TRPM2: variants seen among roughly 807,000 people sequenced by gnomAD.
The protein encoded by TRPM2 is estrogen-responsive element-associated gene 1 protein.
A neutral mutation model predicts 174.0 loss-of-function variants in TRPM2; 161 were observed. That is an observed-to-expected ratio of 0.93 (90% CI 0.81 to 1.05). The LOEUF is 1.05. Among genes scored for constraint, TRPM2 ranks in the 50% least tolerant of loss-of-function variants. TRPM2 has a pLI of 0.00. For synonymous variants in TRPM2, 954 were observed against 861.3 expected, an observed-to-expected ratio of 1.11 and a Z score of -1.88; for missense variants, 2,057 against 2,038.0, an observed-to-expected ratio of 1.01 and a Z score of -0.18.
intron 16 of TRPM2, 80 bp from the exon 17 acceptor site, chr21:44,405,062 T>A: frequency 2.5e-6 from 4 of 1,583,902 alleles, no homozygotes; most frequent in Non-Finnish European, 3.5e-6. Context: ...ATGATGATAG[T>A]GGATAGTGAT....
Position 44,427,124 on chromosome 21 carries a change from C to G in TRPM2, c.3974+13C>G, listed in dbSNP as rs539190091. 4 of 1,564,416 alleles carry G rather than the reference C, an allele frequency of 2.6e-6. No individual in the cohort carries two copies. The Admixed American group carries it at 5.7e-5, about 22-fold the overall frequency. On this transcript the variant is annotated intron_variant, in intron 27 of 31. Coordinates refer to ENST00000397928, the MANE Select transcript of TRPM2 (RefSeq NM_003307.4). The stretch of plus-strand genomic sequence containing the variant: ...CCGGGTTGCCCCTGTGAGTGTGCCC[C>G]CTGCGGGCCCCGCCCCGTCAGCCTT...
rs541950858 is a variant in TRPM2 at position 44,427,102 on chromosome 21, G to T, written c.3965G>T (p.Gly1322Val). The T allele has an allele frequency of 7.5e-6, 12 of 1,591,842 alleles. No homozygotes were observed. The East Asian group carries it at 2.7e-4, about 36-fold the overall frequency. Reference protein sequence around the residue: ...SFHGPYTVQAGLPLNPMGRTG... With the variant: ...SFHGPYTVQAVLPLNPMGRTG... Reference sequence around the variant, plus strand: ...CACGGGCCGTACACAGTGCAGGCCGGGTTGCCCCTGTGAGTGTGCCCCCTG... The same window carrying T: ...CACGGGCCGTACACAGTGCAGGCCGTGTTGCCCCTGTGAGTGTGCCCCCTG... Residue 1322 changes from glycine (G) to valine (V), a missense_variant, in exon 27 of 32, where the codon GGG becomes GTG. By Grantham distance (109) the Gly-to-Val change is moderately radical. Transcript: ENST00000397928.
At position 44,418,005 on chromosome 21, in the gene TRPM2, C is replaced by T. The variant is rs374801617; in HGVS notation, c.3225C>T (p.His1075=). The change falls in exon 21 of 32, where the codon CAC becomes CAT. Residue 1075 remains histidine, a synonymous_variant. Transcript: ENST00000397928. The stretch of plus-strand genomic sequence containing the variant: ...GCCATGACCTGATCGAGGAGTACCA[C>T]GGCCGCCCCGCCGCGCCGCCCCCCT... ...FQRHDLIEEY[H]GRPAAPPPFI... 96 of 1,612,926 alleles carry T rather than the reference C, an allele frequency of 6.0e-5. 2 individuals carry two copies. In the South Asian group the frequency reaches 6.9e-4, roughly 12 times the overall value.
chr21:44,418,346 C>A lies in TRPM2; in HGVS notation c.3329-77C>A, dbSNP rs978805057. ...CAGGACTGGCCCCCTCCCACGGGGC[C>A]CCCCCGGTGGGTCAGGGCTTCAGGG... On this transcript the variant is annotated intron_variant, in intron 21 of 31. Coordinates refer to ENST00000397928, the MANE Select transcript of TRPM2 (RefSeq NM_003307.4). 23 of 1,569,672 alleles carry A rather than the reference C, an allele frequency of 1.5e-5. No individual in the cohort carries two copies. In the African/African-American group the frequency reaches 2.3e-4, roughly 16 times the overall value.
intron 2 of TRPM2, among the ~76,000 whole-genome samples, chr21:44,361,352 A>T (rs947221750): frequency 5.3e-5 from 8 of 151,966 alleles, no homozygotes; most frequent in African/African-American, 1.7e-4. Flanking sequence ...ACCTCAAATG[A>T]TCCACTCGCC....
intron 11 of TRPM2, among the ~76,000 whole-genome samples, chr21:44,395,074 A>T (rs1288577812): frequency 6.6e-6 from 1 of 152,178 alleles, no homozygotes; most frequent in Admixed American, 6.5e-5. Context: ...AACATACTCC[A>T]CTGTGCTAGA....
At chr21:44,352,157 G>C (rs2122999684), upstream of TRPM2, among the ~76,000 whole-genome samples, 1,017 of 152,344 alleles carry the variant, frequency 6.7e-3, 8 homozygotes, top group African/African-American at 0.023. Flanking sequence ...GAAGCTGGTT[G>C]TGAAGCCGGG....
intron 20 of TRPM2, 35 bp from the exon 21 acceptor site, chr21:44,417,892 C>G (rs1445793700): frequency 6.3e-7 from 1 of 1,594,646 alleles, no homozygotes; most frequent in Non-Finnish European, 8.5e-7. Flanking sequence ...GGTAAACACC[C>G]TGACCTCGAG....
chr21:44,367,096 C>A lies in TRPM2; in HGVS notation c.604+162C>A, dbSNP rs951661063. Among the ~76,000 whole-genome samples, 3 of 152,184 alleles carry A rather than the reference C, an allele frequency of 2.0e-5. No individual in the cohort carries two copies. Among genetic ancestry groups the A allele is most frequent in the African/African-American group, 7.2e-5 (3 of 41,444 alleles). On this transcript the variant is annotated intron_variant, in intron 4 of 31. Transcript: ENST00000397928. The surrounding 1 kb of genome is among the most constrained non-coding windows in gnomAD (Gnocchi z 4.6). ...CCATGCACCTCTCACCTGGGCACAG[C>A]TGCTCCCTGACGCCCGATGCTCCCA...
In TRPM2 at chr21:44,432,439, T is replaced by A. The variant is rs1396429274; in HGVS notation, c.3975-2692T>A. Reference sequence around the variant, plus strand: ...TATTCCAGTGTAGCTTCATCTTAACTAATTACACCTGCAGACACTATTTCT... The same window carrying A: ...TATTCCAGTGTAGCTTCATCTTAACAAATTACACCTGCAGACACTATTTCT... On this transcript the variant is annotated intron_variant, in intron 27 of 31. Transcript: ENST00000397928. The surrounding 1 kb of genome is among the most constrained non-coding windows in gnomAD (Gnocchi z 4.9). Among the ~76,000 whole-genome samples the A allele has an allele frequency of 6.6e-6, 1 of 152,220 alleles. No individual in the cohort carries two copies. Among genetic ancestry groups the A allele is most frequent in the Non-Finnish European group, 1.5e-5 (1 of 68,042 alleles).
intron 31 of TRPM2, among the ~76,000 whole-genome samples, 178 bp downstream of exon 31, chr21:44,441,083 T>C (rs1462032157): frequency 6.6e-6 from 1 of 152,040 alleles, no homozygotes; most frequent in Non-Finnish European, 1.5e-5. Context: ...TGGACGTGCC[T>C]CGAGGGCTTC....
chr21:44,425,870 C>T (rs761018737), intron 25 of TRPM2, 43 bp downstream of exon 25: 25 of 1,490,918 alleles, frequency 1.7e-5, no homozygotes, highest in Non-Finnish European at 2.2e-5. Flanking sequence ...TGGCCGGGCC[C>T]CTGGGGAGGG....
upstream of TRPM2, among the ~76,000 whole-genome samples, chr21:44,352,715 T>C (rs1474070929): frequency 1.3e-5 from 2 of 152,308 alleles, no homozygotes; most frequent in South Asian, 2.1e-4. Flanking sequence ...GTTTCTCATT[T>C]GTAAAGGGAG....
rs779662812 is a variant in TRPM2 at position 44,441,825 on chromosome 21, C to T, written c.*8C>T. 9 of 1,598,302 alleles carry T rather than the reference C, an allele frequency of 5.6e-6. No individual in the cohort carries two copies. The African/African-American group carries it at 8.0e-5, about 14-fold the overall frequency. On this transcript the variant is annotated 3_prime_UTR_variant, in exon 32 of 32. Transcript: ENST00000397928. ...TTCGGGGCTCACTACTGACTGTGCC[C>T]TCAGGCTGGGCGGCTCCAGTCCATA...
chr21:44,388,747 G>A (rs1379614210), intron 9 of TRPM2, among the ~76,000 whole-genome samples: 1 of 151,754 alleles, frequency 6.6e-6, no homozygotes, highest in South Asian at 2.1e-4. Context: ...CTTGAGCCCA[G>A]GACGTTGAGG....
At chr21:44,352,916 A>G (rs1243443820), upstream of TRPM2, among the ~76,000 whole-genome samples, 1 of 152,224 alleles carries the variant, frequency 6.6e-6, no homozygotes, top group African/African-American at 2.4e-5. Flanking sequence ...GCACTTTGGG[A>G]AGCGGAGGCT....
intron 27 of TRPM2, among the ~76,000 whole-genome samples, chr21:44,431,843 G>A (rs1011260622): frequency 6.6e-5 from 10 of 152,074 alleles, no homozygotes; most frequent in East Asian, 1.9e-4. Flanking sequence ...TTGTTGGAGC[G>A]GGATTGGCAA....
chr21:44,388,468 A>G (rs772765254), intron 9 of TRPM2, among the ~76,000 whole-genome samples: 1 of 152,132 alleles, frequency 6.6e-6, no homozygotes, highest in African/African-American at 2.4e-5. Context: ...AAAAAGATAT[A>G]TGGAGAAGGA....
intron 20 of TRPM2, among the ~76,000 whole-genome samples, chr21:44,416,989 T>TGGGCAC: frequency 8.1e-6 from 1 of 123,030 alleles, no homozygotes; most frequent in Admixed American, 8.4e-5. Flanking sequence ...GGCATCACAG[T>TGGGCAC]GTGCACGTGG....
Sources: gnomAD v4.1 joint callset for allele counts (sites outside exome capture counted in the v4.1 genomes callset) on GRCh38, gnomAD v4.1.1 for gene constraint, Gnocchi (gnomAD v3.1) non-coding constraint, MANE v1.5 for transcripts, NCBI Gene and HGNC (gene_info 2026-07-23, HGNC 2026-07-21) for gene names.